The following SMPD3 variants were observed in gnomAD, a reference collection of about 807,000 sequenced individuals.
SMPD3 encodes nSMase-2.
In SMPD3, 21 loss-of-function variants were observed where a neutral mutation model predicts 55.7. That is an observed-to-expected ratio of 0.38 (90% CI 0.27 to 0.54). The LOEUF (loss-of-function observed/expected upper bound fraction) is 0.54, where lower values mean the gene tolerates loss of function less well. Ranked by LOEUF, SMPD3 falls within the 20% of genes least tolerant of loss-of-function variation. SMPD3 has a pLI of 0.80. For synonymous variants in SMPD3, 457 were observed against 404.3 expected, an observed-to-expected ratio of 1.13 and a Z score of -1.56; for missense variants, 842 against 899.6, an observed-to-expected ratio of 0.94 and a Z score of 0.82.
chr16:68,369,857 G>A (rs141219149), intron 3 of SMPD3: 13 of 152,398 alleles, frequency 8.5e-5, no homozygotes, highest in African/African-American at 1.9e-4. Context: ...GCGCACCAGT[G>A]TTTCCCTGGG....
At chr16:68,446,181 C>G (rs1411249383) in intron 1 of SMPD3, among the ~76,000 whole-genome samples, 1 of 152,124 alleles carries the variant, frequency 6.6e-6, no homozygotes, top group Admixed American at 6.5e-5. Flanking sequence ...TTGGAGCAGC[C>G]TATTACAGTA....
chr16:68,417,311 C>A (rs1395988916), intron 1 of SMPD3, among the ~76,000 whole-genome samples: 1 of 152,126 alleles, frequency 6.6e-6, no homozygotes, highest in Non-Finnish European at 1.5e-5. Flanking sequence ...CTGAACTCAT[C>A]AACAAATTCG....
intron 1 of SMPD3, among the ~76,000 whole-genome samples, chr16:68,417,108 T>C (rs1277197958): frequency 6.6e-6 from 1 of 152,084 alleles, no homozygotes; most frequent in Non-Finnish European, 1.5e-5. Flanking sequence ...ACTGCCTCAC[T>C]CAAAATTAAG....
At chr16:68,398,036 C>T (rs200352539) in intron 1 of SMPD3, among the ~76,000 whole-genome samples, 1 of 127,712 alleles carries the variant, frequency 7.8e-6, no homozygotes, top group Admixed American at 7.5e-5. Flanking sequence ...GTTGGGGCTT[C>T]GTCAGGGAGG....
intron 5 of SMPD3, among the ~76,000 whole-genome samples, chr16:68,364,236 C>CT (rs2089407459): frequency 6.6e-6 from 1 of 152,206 alleles, no homozygotes; most frequent in East Asian, 1.9e-4. Flanking sequence ...AGCTTGTAGT[C>CT]TTTCACCCTA....
At chr16:68,387,649 C>T (rs2090070796) in intron 1 of SMPD3, among the ~76,000 whole-genome samples, 1 of 152,226 alleles carries the variant, frequency 6.6e-6, no homozygotes, top group South Asian at 2.1e-4. Flanking sequence ...TCAGCAGCCC[C>T]CTGCCCAATG....
intron 1 of SMPD3, among the ~76,000 whole-genome samples, chr16:68,398,889 T>G (rs1204573565): frequency 6.6e-6 from 1 of 152,120 alleles, no homozygotes; most frequent in Non-Finnish European, 1.5e-5. Flanking sequence ...CGAAGTGGAG[T>G]GTGTCTGTGG....
intron 1 of SMPD3, among the ~76,000 whole-genome samples, chr16:68,392,656 G>A (rs2090121889): frequency 6.6e-6 from 1 of 152,026 alleles, no homozygotes; most frequent in Non-Finnish European, 1.5e-5. Context: ...GAGGCCAAGA[G>A]TTAGAGACCA....
At chr16:68,434,862 A>C (rs533565980) in intron 1 of SMPD3, among the ~76,000 whole-genome samples, 1 of 152,270 alleles carries the variant, frequency 6.6e-6, no homozygotes, top group East Asian at 1.9e-4. Flanking sequence ...TGGAGGCGAC[A>C]TCCTCTGCAG....
chr16:68,389,055 T>C (rs1388737208), intron 1 of SMPD3, among the ~76,000 whole-genome samples: 1 of 152,080 alleles, frequency 6.6e-6, no homozygotes, highest in Non-Finnish European at 1.5e-5. Flanking sequence ...AACGCACCGG[T>C]AGGAAATGGT....
At chr16:68,384,282 G>T (rs535642953) in intron 2 of SMPD3, among the ~76,000 whole-genome samples, 2 of 152,312 alleles carry the variant, frequency 1.3e-5, no homozygotes, top group Admixed American at 6.5e-5. Context: ...GGAACTCAGG[G>T]TTCAAGATTC....
intron 2 of SMPD3, among the ~76,000 whole-genome samples, chr16:68,381,624 C>A (rs941716489): frequency 1.8e-4 from 28 of 152,284 alleles, no homozygotes; most frequent in African/African-American, 6.0e-4. Flanking sequence ...AGATGTGGAA[C>A]CTTCCAGAGC....
chr16:68,423,811 G>A (rs1453410495), intron 1 of SMPD3, among the ~76,000 whole-genome samples: 1 of 152,094 alleles, frequency 6.6e-6, no homozygotes, highest in African/African-American at 2.4e-5. Flanking sequence ...GGCACTCTGA[G>A]CATGAAAGAA....
At chr16:68,430,359 T>C (rs1234858466) in intron 1 of SMPD3, among the ~76,000 whole-genome samples, 2 of 152,214 alleles carry the variant, frequency 1.3e-5, no homozygotes, top group Non-Finnish European at 2.9e-5. Context: ...TCATGCTTTA[T>C]CGACTACAAT....
intron 3 of SMPD3, among the ~76,000 whole-genome samples, chr16:68,365,473 T>TACACCCTAGACCTGGTC (rs1027014811): frequency 3.3e-5 from 5 of 152,062 alleles, no homozygotes; most frequent in African/African-American, 1.2e-4. Flanking sequence ...CTCCCTCAGT[T>TACACCCTAGACCTGGTC]ACACCCTAGA....
intron 1 of SMPD3, among the ~76,000 whole-genome samples, chr16:68,422,216 G>A (rs1381907948): frequency 6.6e-6 from 1 of 152,232 alleles, no homozygotes; most frequent in African/African-American, 2.4e-5. Flanking sequence ...CTCCAAAACT[G>A]TAAGATAACA....
Position 68,363,801 on chromosome 16 carries a change from C to T in SMPD3, c.1621G>A (p.Gly541Ser). Reference sequence around the variant, plus strand: ...CCGATGGCCCACGGCTTCTCCTCACCAGGCCCCAGGCGGCAGGGGTCCCTG... The same window carrying T: ...CCGATGGCCCACGGCTTCTCCTCACTAGGCCCCAGGCGGCAGGGGTCCCTG... ...HYRDPCRLGP[G>S]EEKPWAIGTL... The change falls in exon 6 of 9, where the codon GGT (glycine) becomes AGT (serine). Residue 541 changes from glycine to serine, a missense_variant. Coordinates refer to ENST00000219334, the MANE Select transcript of SMPD3 (RefSeq NM_018667.4). 2 of 1,569,708 alleles carry T rather than the reference C, an allele frequency of 1.3e-6. No homozygotes were observed. The highest frequency in any genetic ancestry group is 1.7e-6 in the Non-Finnish European group (2 of 1,157,214).
chr16:68,359,112 G>A lies in SMPD3; in HGVS notation c.*2094C>T, dbSNP rs948503011. On this transcript the variant is annotated 3_prime_UTR_variant, in exon 9 of 9. Coordinates refer to ENST00000219334, the MANE Select transcript of SMPD3 (RefSeq NM_018667.4). ...CTGCTGCCCCGGGAGGGGGTGCCTGGGTGGGGAAGCTATGTTGGGGTCTGG... is the reference window on the plus strand; with the variant it reads ...CTGCTGCCCCGGGAGGGGGTGCCTGAGTGGGGAAGCTATGTTGGGGTCTGG... The A allele has an allele frequency of 6.6e-6, 1 of 152,584 alleles. No individual in the cohort carries two copies. The highest frequency in any genetic ancestry group is 1.5e-5 in the Non-Finnish European group (1 of 68,130). The allele number at this position is 152,584 out of a possible 1,614,324, so 9.5% of individuals were successfully genotyped here. A position where few individuals can be genotyped will look rare whatever the true frequency, so the allele number is the denominator to read the frequency against.
intron 7 of SMPD3, among the ~76,000 whole-genome samples, chr16:68,362,433 T>G (rs1238399464): frequency 6.6e-6 from 1 of 152,240 alleles, no homozygotes; most frequent in Non-Finnish European, 1.5e-5. Flanking sequence ...CTGGCACTGT[T>G]GCCCTGAGAC....
Sources: allele counts gnomAD v4.1 joint callset (sites outside exome capture counted in the v4.1 genomes callset), GRCh38; gene constraint gnomAD v4.1.1; transcripts MANE v1.5; gene names NCBI Gene and HGNC (gene_info 2026-07-23, HGNC 2026-07-21).